CSMD1: variants seen among roughly 807,000 people sequenced by gnomAD.
The protein encoded by CSMD1 is CUB and Sushi multiple domains 1, also known as CUB and sushi domain-containing protein 1.
CSMD1 carries 213 observed loss-of-function variants against 417.5 expected under a neutral mutation model. The observed-to-expected ratio is 0.51, with a 90% CI of 0.46 to 0.57. CSMD1 has a LOEUF of 0.57. CSMD1 is among the 20% of genes least tolerant of loss of function. The pLI, the probability that CSMD1 is intolerant of heterozygous loss-of-function variation, is 0.00. For synonymous variants in CSMD1, 2,862 were observed against 1,736.8 expected, an observed-to-expected ratio of 1.65 and a Z score of -16.11; for missense variants, 6,923 against 4,529.7, an observed-to-expected ratio of 1.53 and a Z score of -15.17.
In CSMD1 at chr8:4,250,166, G is replaced by C. The variant is rs1418148126; in HGVS notation, c.415+169787C>G. 2.0e-5 allele frequency among the ~76,000 whole-genome samples: 3 copies of C among 152,172 alleles called. No homozygotes were observed. The East Asian group carries it at 5.8e-4, about 29-fold the overall frequency. On this transcript the variant is annotated intron_variant, in intron 3 of 69. Transcript: ENST00000635120. ...TTTGAGCTTCTCAGCCTCTAGAACT[G>C]TGAACCAATACATTTCTTTTCTTTA...
intron 3 of CSMD1, among the ~76,000 whole-genome samples, chr8:4,317,038 G>A (rs758764389): frequency 3.3e-5 from 5 of 152,012 alleles, no homozygotes; most frequent in Admixed American, 6.6e-5. Flanking sequence ...ACTTGTAAAC[G>A]GCACTGAAAA....
intron 54 of CSMD1, among the ~76,000 whole-genome samples, chr8:2,995,719 AAGGGACTGAATTATTGACAC>A (rs1389109010): frequency 3.3e-5 from 5 of 152,166 alleles, no homozygotes; most frequent in African/African-American, 1.2e-4. Flanking sequence ...CCACAGGAAA[AAGGGACTGAATTATTGACAC>A]AGGCCACAAC....
chr8:3,347,587 C>G (rs1286842805), intron 22 of CSMD1, among the ~76,000 whole-genome samples: 1 of 152,138 alleles, frequency 6.6e-6, no homozygotes. Flanking sequence ...TTTGGGGATC[C>G]TGCAACTTTT....
At chr8:3,817,188 G>A (rs990299027) in intron 5 of CSMD1, among the ~76,000 whole-genome samples, 1 of 137,698 alleles carries the variant, frequency 7.3e-6, no homozygotes, top group South Asian at 2.5e-4. Flanking sequence ...CCTCCCCAAT[G>A]AAAATGGTCA....
At chr8:3,618,493 C>G (rs1028081520) in intron 7 of CSMD1, among the ~76,000 whole-genome samples, 3 of 151,716 alleles carry the variant, frequency 2.0e-5, no homozygotes, top group Non-Finnish European at 4.4e-5. Flanking sequence ...AACATCTAAA[C>G]ATTATTTTGC....
chr8:4,410,587 T>G (rs1456782371), intron 3 of CSMD1, among the ~76,000 whole-genome samples: 1 of 152,174 alleles, frequency 6.6e-6, no homozygotes. Flanking sequence ...AATGACCAAT[T>G]TTTGTTTTTC....
intron 1 of CSMD1, among the ~76,000 whole-genome samples, chr8:4,865,437 T>C (rs186665846): frequency 2.7e-4 from 41 of 152,004 alleles, no homozygotes; most frequent in Admixed American, 5.9e-4. Flanking sequence ...GTCATTTTCT[T>C]TCTGCCTATA....
chr8:4,525,430 C>A (rs944550549), intron 2 of CSMD1, among the ~76,000 whole-genome samples: 14 of 152,286 alleles, frequency 9.2e-5, no homozygotes, highest in African/African-American at 3.4e-4. Context: ...GAATGCTCTA[C>A]TTTAACCATG....
chr8:3,214,914 A>T lies in CSMD1; in HGVS notation c.4673-223T>A, dbSNP rs534041689. On this transcript the variant is annotated intron_variant, in intron 29 of 69. Coordinates refer to ENST00000635120, the MANE Select transcript of CSMD1 (RefSeq NM_033225.6). ...TTTAATAAAATTATATTTCCATTTT[A>T]AAAACCACATTTTGCTACAGAATTG... 4.1e-3 allele frequency among the ~76,000 whole-genome samples: 618 copies of T among 152,346 alleles called. 1 individual carries two copies. Among genetic ancestry groups the T allele is most frequent in the Non-Finnish European group, 6.4e-3 (438 of 68,036 alleles).
At chr8:3,576,625 T>A (rs1016057137) in intron 9 of CSMD1, among the ~76,000 whole-genome samples, 2 of 152,172 alleles carry the variant, frequency 1.3e-5, no homozygotes, top group African/African-American at 4.8e-5. Context: ...AAAACAAACA[T>A]GGGTAAAACA....
At chr8:4,105,200 C>T (rs1449850829) in intron 3 of CSMD1, among the ~76,000 whole-genome samples, 1 of 152,084 alleles carries the variant, frequency 6.6e-6, no homozygotes, top group Non-Finnish European at 1.5e-5. Context: ...TAAGATTATT[C>T]CAAGGGCAGA....
At chr8:4,733,229 G>C (rs955010749) in intron 1 of CSMD1, among the ~76,000 whole-genome samples, 1 of 152,082 alleles carries the variant, frequency 6.6e-6, no homozygotes, top group African/African-American at 2.4e-5. Context: ...AATTCAAAAA[G>C]TTCATTTCCT....
chr8:4,442,928 T>C (rs1343348934), intron 2 of CSMD1, among the ~76,000 whole-genome samples: 1 of 152,172 alleles, frequency 6.6e-6, no homozygotes, highest in Non-Finnish European at 1.5e-5. Context: ...TAAATGATAT[T>C]TGTCCCTCAA....
chr8:3,722,294 T>A (rs937464641), intron 6 of CSMD1, among the ~76,000 whole-genome samples: 1 of 152,018 alleles, frequency 6.6e-6, no homozygotes, highest in African/African-American at 2.4e-5. Flanking sequence ...GGCGACAGAG[T>A]GAGACTCCAT....
intron 1 of CSMD1, among the ~76,000 whole-genome samples, chr8:4,676,039 T>G (rs1181881017): frequency 6.6e-6 from 1 of 152,234 alleles, no homozygotes; most frequent in African/African-American, 2.4e-5. Flanking sequence ...AATTATTCAC[T>G]TTTATCCTTT....
At chr8:4,816,709 A>T (rs1383369474) in intron 1 of CSMD1, among the ~76,000 whole-genome samples, 1 of 152,178 alleles carries the variant, frequency 6.6e-6, no homozygotes, top group South Asian at 2.1e-4. Flanking sequence ...CAAAGAAGTG[A>T]TTTCCAGATG....
rs1219884527 is a variant in CSMD1 at position 2,950,297 on chromosome 8, T to C, written c.10248A>G (p.Gln3416=). 2.5e-6 allele frequency: 4 copies of C among 1,613,518 alleles called. No individual in the cohort carries two copies. The highest frequency in any genetic ancestry group is 3.3e-5 in the Admixed American group (2 of 60,004). ...CAAAAATATCTGCCTGGCCTTTAAT[T>C]TGAAAAGCTTTCAGGAGTAAGTGGG... ...EEAHLLLKAF[Q]IKGQADIFVS... Residue 3416 remains glutamine, a synonymous_variant, in exon 67 of 70, where the codon CAA becomes CAG. Transcript: ENST00000635120.
At position 3,190,028 on chromosome 8, in the gene CSMD1, G is replaced by T; in HGVS notation, c.5282C>A (p.Ser1761Tyr). ...RRIGSEFSAG[S>Y]IVRFECNPGY... ...CGGGTTGCACTCGAATCGGACGATG[G>T]AGCCGGCAGAAAACTCAGAACCAAT... The change falls in exon 34 of 70, where the codon TCC becomes TAC. Residue 1761 changes from serine (S) to tyrosine (Y), a missense_variant. Transcript: ENST00000635120. 3.1e-6 allele frequency: 5 copies of T among 1,594,912 alleles called. No homozygotes were observed. The highest frequency in any genetic ancestry group is 4.3e-6 in the Non-Finnish European group (5 of 1,170,894).
At chr8:3,376,555 T>C (rs1810315749) in intron 18 of CSMD1, among the ~76,000 whole-genome samples, 1 of 152,118 alleles carries the variant, frequency 6.6e-6, no homozygotes, top group Admixed American at 6.6e-5. Context: ...ACTACTTGCA[T>C]GATTCCAAAT....
Sources: gnomAD v4.1 joint callset for allele counts (sites outside exome capture counted in the v4.1 genomes callset) on GRCh38, gnomAD v4.1.1 for gene constraint, MANE v1.5 for transcripts, NCBI Gene and HGNC (gene_info 2026-07-23, HGNC 2026-07-21) for gene names.